Variants in HTT observed in about 807,000 individuals in gnomAD.
The protein encoded by HTT is huntingtin.
In HTT, 104 loss-of-function variants were observed where a neutral mutation model predicts 362.3. That is an observed-to-expected ratio of 0.29 (90% confidence interval 0.24 to 0.34). HTT has a LOEUF of 0.34. Ranked by LOEUF, HTT falls within the 10% of genes least tolerant of loss-of-function variation. The probability of loss-of-function intolerance (pLI) is 1.00; values close to 1 mark genes in which losing one functional copy is unlikely to be tolerated. For missense variants in HTT, 3,301 were observed against 3,928.6 expected (o/e 0.84, Z 4.27); for synonymous variants, 1,577 against 1,548.7 (o/e 1.02, Z -0.43).
At chr4:3,109,070 TATA>T (rs1714589773) in intron 6 of HTT, among the ~76,000 whole-genome samples, 1 of 75,068 alleles carries the variant, frequency 1.3e-5, no homozygotes, top group African/African-American at 4.5e-5. Flanking sequence ...AAAAAAAATA[TATA>T]TATATATATT....
chr4:3,226,180 T>C (rs1720902636), intron 57 of HTT, among the ~76,000 whole-genome samples: 1 of 150,246 alleles, frequency 6.7e-6, no homozygotes. Context: ...GGCCAGCTCT[T>C]GGGGGGCTCC....
At chr4:3,202,748 A>G (rs1378849567) in intron 41 of HTT, among the ~76,000 whole-genome samples, 1 of 152,156 alleles carries the variant, frequency 6.6e-6, no homozygotes, top group Non-Finnish European at 1.5e-5. Context: ...GTGGTGGCTC[A>G]TGCCTGTAAT....
intron 2 of HTT, among the ~76,000 whole-genome samples, chr4:3,095,631 AG>A (rs1713819415): frequency 6.6e-6 from 1 of 152,220 alleles, no homozygotes; most frequent in South Asian, 2.1e-4. Flanking sequence ...GTTTCTTTTA[AG>A]CCACATAGTT....
At chr4:3,191,372 T>C (rs1361344601) in intron 40 of HTT, among the ~76,000 whole-genome samples, 1 of 151,936 alleles carries the variant, frequency 6.6e-6, no homozygotes, top group Admixed American at 6.6e-5. Context: ...ACAGGGTTTC[T>C]CCATGTTGAG....
chr4:3,097,566 A>T (rs921469852), intron 2 of HTT, among the ~76,000 whole-genome samples: 1 of 152,198 alleles, frequency 6.6e-6, no homozygotes, highest in Non-Finnish European at 1.5e-5. Context: ...TGGGAGGCGG[A>T]GGTTGCAGTG....
chr4:3,197,546 C>T (rs1483068364), intron 40 of HTT, among the ~76,000 whole-genome samples: 4 of 152,136 alleles, frequency 2.6e-5, no homozygotes, highest in African/African-American at 9.7e-5. Context: ...CTAATAGGCT[C>T]CAGCAGCTGC....
At chr4:3,239,755 G>A (rs1721719483) in intron 66 of HTT, 91 bp from the exon 67 acceptor site, 3 of 1,080,128 alleles carry the variant, frequency 2.8e-6, no homozygotes, top group Non-Finnish European at 4.1e-6. Flanking sequence ...GGACCCCTTT[G>A]TAGACTGTTT....
intron 2 of HTT, among the ~76,000 whole-genome samples, chr4:3,096,088 A>G (rs1713842809): frequency 2.0e-5 from 3 of 152,266 alleles, no homozygotes; most frequent in Non-Finnish European, 4.4e-5. Context: ...TTCTGTTAAT[A>G]TCAGACAAAG....
At chr4:3,140,381 A>G (rs995339349) in intron 21 of HTT, 129 bp from the exon 22 acceptor site, 5 of 701,522 alleles carry the variant, frequency 7.1e-6, no homozygotes, top group Non-Finnish European at 1.2e-5. Context: ...CCACCTGAGA[A>G]AGGGGGCGAG....
intron 35 of HTT, among the ~76,000 whole-genome samples, chr4:3,179,424 A>G (rs535987142): frequency 6.6e-6 from 1 of 152,296 alleles, no homozygotes; most frequent in South Asian, 2.1e-4. Flanking sequence ...AGAGGGTCAG[A>G]GAGTATACCC....
chr4:3,085,429 G>C (rs898465908), intron 1 of HTT, among the ~76,000 whole-genome samples: 1 of 152,098 alleles, frequency 6.6e-6, no homozygotes, highest in Non-Finnish European at 1.5e-5. Flanking sequence ...AGCCACACCT[G>C]GCCGTTTGTT....
chr4:3,111,656 C>G (rs558891351), intron 6 of HTT, among the ~76,000 whole-genome samples: 33 of 152,224 alleles, frequency 2.2e-4, no homozygotes, highest in Non-Finnish European at 3.8e-4. Context: ...AGGGTGCCCT[C>G]TTACTTTTTG....
At chr4:3,166,190 A>C (rs1435644535) in intron 29 of HTT, among the ~76,000 whole-genome samples, 1 of 151,990 alleles carries the variant, frequency 6.6e-6, no homozygotes, top group Admixed American at 6.5e-5. Flanking sequence ...GGTCTGTTGG[A>C]GTTTGCTGGA....
At chr4:3,229,244 ACGC>A (rs1721090064) in intron 59 of HTT, among the ~76,000 whole-genome samples, 5 of 143,250 alleles carry the variant, frequency 3.5e-5, no homozygotes, top group South Asian at 2.3e-4. Flanking sequence ...CCACACACAC[ACGC>A]CACACCACAT....
In HTT at chr4:3,087,873, G is replaced by A. The variant is rs1410918797; in HGVS notation, c.347+851G>A. On this transcript the variant is annotated intron_variant, in intron 2 of 66. Transcript: ENST00000355072. ...TCTTTTTTTAATTTTTTTTTGAGAC[G>A]GAGTTTCACTCTTGTTGCCCAGGCT... is the stretch of plus-strand genomic sequence containing the variant. Among the ~76,000 whole-genome samples the A allele has an allele frequency of 3.3e-5, 5 of 151,988 alleles. No homozygotes were observed. The East Asian group carries it at 7.7e-4, about 23-fold the overall frequency.
In HTT at chr4:3,103,221, AT is replaced by A. The variant is rs748779241; in HGVS notation, c.469-583del. ...TATATATATAAATCCTATATATATAATTTTTTTTTTTTTTTTTTTTGAGATG... is the reference window on the plus strand; with the variant it reads ...TATATATATAAATCCTATATATATAATTTTTTTTTTTTTTTTTTTGAGATG... On this transcript the variant is annotated intron_variant, in intron 3 of 66. Transcript: ENST00000355072. Among the ~76,000 whole-genome samples, 130 of 109,046 alleles carry A rather than the reference AT, an allele frequency of 1.2e-3. 1 individual carries two copies. The Middle Eastern group carries it at 0.015, about 13-fold the overall frequency. The allele number at this position is 109,046 out of a possible 152,430, so 71.5% of individuals were successfully genotyped here.
At chr4:3,132,533 T>C (rs750956608) in intron 16 of HTT, 29 bp from the exon 17 acceptor site, 1 of 1,596,940 alleles carries the variant, frequency 6.3e-7, no homozygotes, top group Non-Finnish European at 8.6e-7. Flanking sequence ...TAGGGAATTG[T>C]TCCATGGCTG....
chr4:3,159,535 G>A (rs143533971), intron 28 of HTT, among the ~76,000 whole-genome samples: 34 of 152,336 alleles, frequency 2.2e-4, no homozygotes, highest in Non-Finnish European at 4.1e-4. Flanking sequence ...GCACACCCAG[G>A]TTGACTAGCG....
intron 4 of HTT, 26 bp from the exon 5 acceptor site, chr4:3,105,331 A>G (rs545230997): frequency 6.5e-7 from 1 of 1,545,352 alleles, no homozygotes. Context: ...GTGACTCTTA[A>G]TGCAACCCTC....
Sources: allele counts gnomAD v4.1 joint callset (sites outside exome capture counted in the v4.1 genomes callset), GRCh38; gene constraint gnomAD v4.1.1; transcripts MANE v1.5; gene names NCBI Gene and HGNC (gene_info 2026-07-23, HGNC 2026-07-21).